STIM1: variants seen among roughly 807,000 people sequenced by gnomAD.
STIM1 encodes the protein stromal interaction molecule 1.
STIM1 carries 25 observed loss-of-function variants against 74.7 expected under a neutral mutation model. The observed-to-expected ratio is 0.33, with a 90% confidence interval of 0.24 to 0.47. STIM1 has a LOEUF of 0.47. Among genes scored for constraint, STIM1 ranks in the 20% least tolerant of loss-of-function variants. The pLI is 1.00. For synonymous variants in STIM1, 328 were observed against 348.8 expected (o/e 0.94, Z 0.66); for missense variants, 728 against 920.8 (o/e 0.79, Z 2.71).
chr11:4,064,499 A>AC (rs1279395028), intron 5 of STIM1, among the ~76,000 whole-genome samples: 1 of 151,966 alleles, frequency 6.6e-6, no homozygotes, highest in East Asian at 1.9e-4. Context: ...GCACACAAAC[A>AC]CCCCAGAGAA....
At chr11:3,886,190 T>C (rs956948614) in intron 1 of STIM1, among the ~76,000 whole-genome samples, 3 of 152,214 alleles carry the variant, frequency 2.0e-5, no homozygotes, top group Admixed American at 2.0e-4. Context: ...TTGGCTTGAA[T>C]TCTTTATAGA....
intron 1 of STIM1, among the ~76,000 whole-genome samples, chr11:3,911,284 G>A (rs1356394028): frequency 6.6e-6 from 1 of 152,128 alleles, no homozygotes; most frequent in Non-Finnish European, 1.5e-5. Flanking sequence ...TAAAATCCAA[G>A]CTTCTCAATC....
chr11:3,914,286 T>C (rs2092609593), intron 1 of STIM1, among the ~76,000 whole-genome samples: 1 of 152,208 alleles, frequency 6.6e-6, no homozygotes, highest in Non-Finnish European at 1.5e-5. Flanking sequence ...TCCATCTATG[T>C]TGCAACATGC....
chr11:4,006,603 G>A (rs754935762), intron 2 of STIM1, among the ~76,000 whole-genome samples: 24 of 152,026 alleles, frequency 1.6e-4, no homozygotes, highest in African/African-American at 4.8e-4. Context: ...TAGTAGAGAC[G>A]GGATTTGACC....
At chr11:4,086,195 T>C in intron 11 of STIM1, 1 of 506,086 alleles carries the variant, frequency 2.0e-6, no homozygotes, top group Non-Finnish European at 3.6e-6. Flanking sequence ...TCCTTGCTTG[T>C]GTCTACCCAC....
chr11:3,895,839 T>C (rs1288617063), intron 1 of STIM1, among the ~76,000 whole-genome samples: 1 of 119,916 alleles, frequency 8.3e-6, no homozygotes, highest in Non-Finnish European at 1.7e-5. Context: ...CTTTCTTTCT[T>C]TCTCTTTCTT....
chr11:3,895,436 C>T, intron 1 of STIM1, among the ~76,000 whole-genome samples: 1 of 152,164 alleles, frequency 6.6e-6, no homozygotes, highest in Non-Finnish European at 1.5e-5. Context: ...ACAAAAATTC[C>T]TTCCATCTGT....
intron 2 of STIM1, among the ~76,000 whole-genome samples, chr11:3,987,403 T>G (rs770579616): frequency 2.8e-4 from 42 of 152,218 alleles, no homozygotes; most frequent in Non-Finnish European, 5.3e-4. Flanking sequence ...GTGATTTCTC[T>G]GGATGTTGAC....
At chr11:4,053,598 G>T (rs918393457) in intron 3 of STIM1, among the ~76,000 whole-genome samples, 1 of 151,804 alleles carries the variant, frequency 6.6e-6, no homozygotes, top group Non-Finnish European at 1.5e-5. Context: ...GGGGGAAGGG[G>T]GAGAGATAGC....
intron 2 of STIM1, among the ~76,000 whole-genome samples, chr11:4,017,844 T>G (rs1322101615): frequency 6.6e-6 from 1 of 152,246 alleles, no homozygotes; most frequent in Non-Finnish European, 1.5e-5. Context: ...TAGCTCATGT[T>G]ATTGCAATAC....
intron 1 of STIM1, among the ~76,000 whole-genome samples, chr11:3,872,758 T>C (rs887095913): frequency 1.3e-5 from 2 of 152,042 alleles, no homozygotes; most frequent in Non-Finnish European, 2.9e-5. Context: ...CCTGACCTCA[T>C]GATCCTCCCA....
At chr11:3,872,062 T>G (rs897066142) in intron 1 of STIM1, among the ~76,000 whole-genome samples, 4 of 151,280 alleles carry the variant, frequency 2.6e-5, no homozygotes, top group Middle Eastern at 6.8e-3. Context: ...CTAACTCTCG[T>G]TTTTTTTTGA....
At chr11:4,004,532 T>C (rs1396017445) in intron 2 of STIM1, among the ~76,000 whole-genome samples, 1 of 150,952 alleles carries the variant, frequency 6.6e-6, no homozygotes, top group Non-Finnish European at 1.5e-5. Flanking sequence ...TGGCTAGCCA[T>C]ATGTAGAAAG....
chr11:4,021,187 G>A (rs1426218010), intron 2 of STIM1, among the ~76,000 whole-genome samples: 3 of 152,110 alleles, frequency 2.0e-5, no homozygotes, highest in South Asian at 2.1e-4. Context: ...GTGCAGTGAC[G>A]TGATATTAGC....
intron 12 of STIM1, among the ~76,000 whole-genome samples, chr11:4,087,469 C>G (rs1305691540): frequency 3.3e-5 from 5 of 151,834 alleles, no homozygotes; most frequent in Non-Finnish European, 7.4e-5. Context: ...CATGGAGATT[C>G]CAGAGAATAC....
intron 1 of STIM1, among the ~76,000 whole-genome samples, chr11:3,927,812 T>C (rs2092807155): frequency 6.6e-6 from 1 of 152,222 alleles, no homozygotes; most frequent in Non-Finnish European, 1.5e-5. Flanking sequence ...AGTTACTCTT[T>C]TGATAAGTTC....
Position 3,916,743 on chromosome 11 carries a change from C to T in STIM1, c.140-50809C>T, listed in dbSNP as rs534488832. Among the ~76,000 whole-genome samples the T allele has an allele frequency of 7.2e-5, 11 of 152,136 alleles. No homozygotes were observed. The South Asian group carries it at 1.2e-3, about 17-fold the overall frequency. On this transcript the variant is annotated intron_variant, in intron 1 of 12. Transcript: ENST00000526596. ...CTGGGATTACAGGTGTGAGCCACTGCGCCCGGCCATTTTTTTGTATTTTTA... is the reference window on the plus strand; with the variant it reads ...CTGGGATTACAGGTGTGAGCCACTGTGCCCGGCCATTTTTTTGTATTTTTA...
chr11:4,027,126 A>T (rs1057048894), intron 3 of STIM1, among the ~76,000 whole-genome samples: 11 of 152,132 alleles, frequency 7.2e-5, no homozygotes, highest in Non-Finnish European at 1.6e-4. Flanking sequence ...ATCACTGGGA[A>T]TATTCCAAAA....
intron 1 of STIM1, among the ~76,000 whole-genome samples, chr11:3,896,520 C>T (rs1175715469): frequency 3.3e-5 from 5 of 152,104 alleles, no homozygotes; most frequent in African/African-American, 1.2e-4. Flanking sequence ...GATTGAGCTG[C>T]CGATGCAACA....
Sources: gnomAD v4.1 joint callset for allele counts (sites outside exome capture counted in the v4.1 genomes callset) on GRCh38, gnomAD v4.1.1 for gene constraint, MANE v1.5 for transcripts, NCBI Gene and HGNC (gene_info 2026-07-23, HGNC 2026-07-21) for gene names.